NAALADL2: variants seen among roughly 807,000 people sequenced by gnomAD.
NAALADL2 encodes inactive N-acetylated-alpha-linked acidic dipeptidase-like protein 2.
A neutral mutation model predicts 87.2 loss-of-function variants in NAALADL2; 76 were observed. The observed-to-expected ratio is 0.87, with a 90% CI of 0.72 to 1.05. The LOEUF (loss-of-function observed/expected upper bound fraction) is 1.05. Ranked by LOEUF, NAALADL2 falls within the 50% of genes least tolerant of loss-of-function variation. NAALADL2 has a pLI of 0.00. For synonymous variants in NAALADL2, 354 were observed against 331.0 expected (o/e 1.07, Z -0.75); for missense variants, 1,089 against 945.8 (o/e 1.15, Z -1.99).
chr3:174,579,864 C>T (rs1715964656), intron 2 of NAALADL2, among the ~76,000 whole-genome samples: 1 of 151,956 alleles, frequency 6.6e-6, no homozygotes, highest in South Asian at 2.1e-4. Flanking sequence ...CTCACATTCT[C>T]AGGTGGCTTC....
intron 1 of NAALADL2, among the ~76,000 whole-genome samples, chr3:175,001,630 CT>C (rs572126219): frequency 1.2e-4 from 18 of 152,034 alleles, no homozygotes; most frequent in African/African-American, 4.1e-4. Context: ...TCGTAATACC[CT>C]GGAACTTTCT....
intron 2 of NAALADL2, among the ~76,000 whole-genome samples, chr3:174,649,990 T>G (rs1724189106): frequency 6.6e-6 from 1 of 152,102 alleles, no homozygotes; most frequent in African/African-American, 2.4e-5. Context: ...GAAGGAAAAT[T>G]TATAAATCCA....
chr3:174,697,001 A>G (rs1400230366), intron 2 of NAALADL2, among the ~76,000 whole-genome samples: 1 of 152,162 alleles, frequency 6.6e-6, no homozygotes, highest in Non-Finnish European at 1.5e-5. Context: ...ATACAAAAAG[A>G]AATATTGTAA....
At chr3:174,905,208 G>C (rs1732823183) in intron 1 of NAALADL2, among the ~76,000 whole-genome samples, 1 of 150,178 alleles carries the variant, frequency 6.7e-6, no homozygotes. Context: ...ATATATAGCT[G>C]ACAAGATCGA....
At chr3:175,119,629 C>T (rs1279669149) in intron 2 of NAALADL2, among the ~76,000 whole-genome samples, 1 of 150,150 alleles carries the variant, frequency 6.7e-6, no homozygotes, top group Non-Finnish European at 1.5e-5. Context: ...CCTTATATGA[C>T]ATCTAAAGAT....
chr3:174,667,552 T>G (rs895775245), intron 2 of NAALADL2, among the ~76,000 whole-genome samples: 3 of 117,142 alleles, frequency 2.6e-5, no homozygotes, highest in African/African-American at 2.9e-5. Context: ...AGAGTTTTTT[T>G]TTTTTTTTTT....
chr3:175,091,870 C>T (rs966487246), intron 1 of NAALADL2, among the ~76,000 whole-genome samples: 2 of 151,922 alleles, frequency 1.3e-5, no homozygotes, highest in African/African-American at 4.8e-5. Context: ...CAAGATGCTT[C>T]CCATTTTCAA....
chr3:174,894,088 T>C (rs1365175901), intron 1 of NAALADL2, among the ~76,000 whole-genome samples: 1 of 152,042 alleles, frequency 6.6e-6, no homozygotes, highest in Non-Finnish European at 1.5e-5. Flanking sequence ...AGACAAAAAC[T>C]ATAAGAAGAG....
chr3:174,898,043 G>A (rs1175463197), intron 1 of NAALADL2, among the ~76,000 whole-genome samples: 3 of 126,740 alleles, frequency 2.4e-5, no homozygotes, highest in Non-Finnish European at 4.6e-5. Flanking sequence ...AACCCGGGAG[G>A]CGGAGCTTGC....
At chr3:175,470,132 A>ATC (rs1724649384) in intron 8 of NAALADL2, among the ~76,000 whole-genome samples, 1 of 152,034 alleles carries the variant, frequency 6.6e-6, no homozygotes, top group Non-Finnish European at 1.5e-5. Context: ...CACAAAAGAG[A>ATC]TAAGTTTCTT....
chr3:175,376,404 C>A (rs962101169), intron 5 of NAALADL2, among the ~76,000 whole-genome samples: 2 of 151,880 alleles, frequency 1.3e-5, no homozygotes, highest in African/African-American at 4.8e-5. Context: ...ATATAGAAGG[C>A]CTTTTTCCTT....
At chr3:175,730,182 A>G (rs1005902855) in intron 11 of NAALADL2, among the ~76,000 whole-genome samples, 12 of 151,706 alleles carry the variant, frequency 7.9e-5, no homozygotes, top group Admixed American at 5.3e-4. Context: ...GAGCTACAAT[A>G]ATTAAGGGGA....
intron 10 of NAALADL2, among the ~76,000 whole-genome samples, chr3:175,612,766 G>A (rs1724817443): frequency 6.6e-6 from 1 of 152,098 alleles, no homozygotes; most frequent in Non-Finnish European, 1.5e-5. Flanking sequence ...TTAAAGTTTG[G>A]ATTTCTTATG....
At chr3:175,133,064 C>A (rs7622337) in intron 2 of NAALADL2, among the ~76,000 whole-genome samples, 1 of 142,072 alleles carries the variant, frequency 7.0e-6, no homozygotes, top group African/African-American at 2.7e-5. Context: ...GGGGCAGAGG[C>A]GCTCCCCACA....
At chr3:174,647,950 G>A (rs1183536091) in intron 2 of NAALADL2, among the ~76,000 whole-genome samples, 1 of 152,140 alleles carries the variant, frequency 6.6e-6, no homozygotes, top group African/African-American at 2.4e-5. Context: ...TACTGTGAAG[G>A]TGGTATTTAA....
chr3:175,636,004 G>C (rs773793891), intron 11 of NAALADL2, among the ~76,000 whole-genome samples: 43 of 152,072 alleles, frequency 2.8e-4, no homozygotes, highest in Admixed American at 5.9e-4. Flanking sequence ...ACCCTGTTAC[G>C]ACAGTTTAAT....
At chr3:175,265,070 T>C (rs1328644369) in intron 4 of NAALADL2, among the ~76,000 whole-genome samples, 1 of 151,670 alleles carries the variant, frequency 6.6e-6, no homozygotes, top group Admixed American at 6.6e-5. Context: ...TTTAATCATA[T>C]GGAAAGATTT....
intron 9 of NAALADL2, among the ~76,000 whole-genome samples, chr3:175,495,619 T>C (rs1205751628): frequency 6.6e-6 from 1 of 152,060 alleles, no homozygotes; most frequent in African/African-American, 2.4e-5. Flanking sequence ...CTTAGTGAAT[T>C]GAATCTCTTT....
At chr3:174,538,258 C>T (rs563996302) in intron 1 of NAALADL2, among the ~76,000 whole-genome samples, 1 of 152,208 alleles carries the variant, frequency 6.6e-6, no homozygotes, top group East Asian at 1.9e-4. Context: ...TGAATGGGCC[C>T]CTCCTGTTGG....
Sources: allele counts gnomAD v4.1 joint callset (sites outside exome capture counted in the v4.1 genomes callset), GRCh38; gene constraint gnomAD v4.1.1; transcripts MANE v1.5; gene names NCBI Gene and HGNC (gene_info 2026-07-23, HGNC 2026-07-21).